Variants in NNT observed in about 807,000 individuals in gnomAD.
NNT encodes NAD(P) transhydrogenase, mitochondrial.
In NNT, 50 loss-of-function variants were observed where a neutral mutation model predicts 104.8. That is an observed-to-expected ratio of 0.48 (90% confidence interval 0.38 to 0.60). The LOEUF is 0.60. Among genes scored for constraint, NNT ranks in the 20% least tolerant of loss-of-function variants. The pLI is 0.00. For missense variants in NNT, 1,131 were observed against 1,330.7 expected, an observed-to-expected ratio of 0.85 and a Z score of 2.33; for synonymous variants, 461 against 490.4, an observed-to-expected ratio of 0.94 and a Z score of 0.79.
chr5:43,629,683 G>A (rs759397179), intron 7 of NNT, among the ~76,000 whole-genome samples: 2 of 152,140 alleles, frequency 1.3e-5, no homozygotes, highest in African/African-American at 2.4e-5. Flanking sequence ...CAGGAGTAAG[G>A]TGGTATCTCA....
At chr5:43,634,281 A>G (rs1360792658) in intron 7 of NNT, among the ~76,000 whole-genome samples, 2 of 152,140 alleles carry the variant, frequency 1.3e-5, no homozygotes, top group South Asian at 4.1e-4. Flanking sequence ...TTTATCTTTC[A>G]TATGGAGTGG....
At chr5:43,681,877 C>G (rs1580107841) in intron 19 of NNT, among the ~76,000 whole-genome samples, 1 of 152,126 alleles carries the variant, frequency 6.6e-6, no homozygotes, top group Non-Finnish European at 1.5e-5. Context: ...ACAGATCAAT[C>G]AATGAATGAA....
chr5:43,671,620 CTTCT>C (rs1741096080), intron 17 of NNT, among the ~76,000 whole-genome samples: 1 of 152,220 alleles, frequency 6.6e-6, no homozygotes, highest in Non-Finnish European at 1.5e-5. Flanking sequence ...CCCCCACTCT[CTTCT>C]GGCTTGTAGA....
chr5:43,662,708 C>T (rs1253942815), intron 17 of NNT, among the ~76,000 whole-genome samples: 1 of 152,000 alleles, frequency 6.6e-6, no homozygotes, highest in Non-Finnish European at 1.5e-5. Context: ...ACCTGGGCAA[C>T]ATGATAAAAC....
intron 19 of NNT, among the ~76,000 whole-genome samples, chr5:43,697,858 G>C (rs1407453078): frequency 6.6e-6 from 1 of 152,184 alleles, no homozygotes; most frequent in East Asian, 1.9e-4. Context: ...CACGAGACCA[G>C]CATGGGAAAA....
At chr5:43,702,505 G>A (rs1379248310) in intron 20 of NNT, 116 bp from the exon 21 acceptor site, 8 of 645,746 alleles carry the variant, frequency 1.2e-5, no homozygotes, top group Non-Finnish European at 1.2e-5. Flanking sequence ...GCACAAGTGC[G>A]AATCCTATAT....
At chr5:43,663,781 G>A (rs79940686) in intron 17 of NNT, among the ~76,000 whole-genome samples, 1,746 of 152,274 alleles carry the variant, frequency 0.011, 20 homozygotes, top group African/African-American at 0.039. Context: ...TACTGAGAAA[G>A]TATTGTAAGG....
chr5:43,700,134 A>G lies in NNT; in HGVS notation c.2892A>G (p.Pro964=). Residue 964 remains proline, a synonymous_variant, in exon 20 of 22, where the codon CCA becomes CCG. Transcript: ENST00000344920. The part of the protein sequence containing the change: ...QGKKVRFGIH[P]VAGRMPGQLN... ...TCATGTCTAGGTTTGGAATTCACCC[A>G]GTTGCAGGCCGAATGCCTGGTCAGC... 1 of 1,612,366 alleles carries G rather than the reference A, an allele frequency of 6.2e-7. No individual in the cohort carries two copies. The highest frequency in any genetic ancestry group is 8.5e-7 in the Non-Finnish European group (1 of 1,179,080).
chr5:43,628,455 T>C, intron 7 of NNT, 68 bp downstream of exon 7: 1 of 1,198,152 alleles, frequency 8.3e-7, no homozygotes, highest in Non-Finnish European at 1.1e-6. Context: ...AAAGCGAGAG[T>C]GAATGATTGC....
At chr5:43,653,477 T>C in intron 14 of NNT, 1 of 355,772 alleles carries the variant, frequency 2.8e-6, no homozygotes, top group South Asian at 5.1e-5. Flanking sequence ...GATAATGGAA[T>C]GGGGGATTGG....
rs765104475 is a variant in NNT, at chr5:43,645,357, G to T, written c.1291G>T (p.Asp431Tyr). ...CGTACTATTTTTTAATGTCTATTAG[G>T]ATGGTAAAGTGATTTTCCCAGCTCC... Reference protein sequence around the residue: ...HVIRGTVVMKDGKVIFPAPTP... With the variant: ...HVIRGTVVMKYGKVIFPAPTP... The change falls in exon 10 of 22, where the codon GAT (aspartate) becomes TAT (tyrosine). Residue 431 changes from aspartate (D) to tyrosine (Y), a missense_variant and splice_region_variant. Physicochemically the swap from Asp to Tyr is radical, Grantham distance 160. Transcript: ENST00000344920. 3.9e-6 allele frequency: 6 copies of T among 1,530,598 alleles called. No homozygotes were observed. 94.8% of individuals were successfully genotyped at this position (1,530,598 alleles called of 1,614,324 possible).
At chr5:43,667,904 A>G (rs768839044) in intron 17 of NNT, among the ~76,000 whole-genome samples, 2 of 152,114 alleles carry the variant, frequency 1.3e-5, no homozygotes, top group African/African-American at 2.4e-5. Context: ...AAGTGTTCCT[A>G]TTTCTCCACA....
rs575139256 is a variant in NNT, at chr5:43,625,866, AT to A, written c.776+1754del. 4.5e-3 allele frequency among the ~76,000 whole-genome samples: 686 copies of A among 151,738 alleles called. 6 individuals are homozygous for A. The highest frequency in any genetic ancestry group is 0.015 in the African/African-American group (612 of 41,394). ...TACCTTAAAGTCTCACTGCCTAGAGATTTTTTTTATGTGTTTCCTCATCTAC... is the reference window on the plus strand; with the variant it reads ...TACCTTAAAGTCTCACTGCCTAGAGATTTTTTTATGTGTTTCCTCATCTAC... On this transcript the variant is annotated intron_variant, in intron 6 of 21. Transcript: ENST00000344920.
At chr5:43,644,438 A>C (rs2111825371) in intron 8 of NNT, 113 bp downstream of exon 8, 2 of 1,355,652 alleles carry the variant, frequency 1.5e-6, no homozygotes, top group Non-Finnish European at 2.0e-6. Context: ...TTAAAATTAA[A>C]AATAGGCATA....
intron 19 of NNT, among the ~76,000 whole-genome samples, chr5:43,692,571 G>A (rs1014723289): frequency 3.3e-5 from 5 of 152,094 alleles, no homozygotes; most frequent in Admixed American, 1.3e-4. Context: ...TGATCCATCC[G>A]CCTTGGCCTC....
intron 1 of NNT, among the ~76,000 whole-genome samples, chr5:43,608,626 A>G (rs1214048962): frequency 6.6e-6 from 1 of 152,164 alleles, no homozygotes; most frequent in Non-Finnish European, 1.5e-5. Context: ...GTCTCAGTGG[A>G]TAAGCATCCT....
rs557503282 is a variant in NNT, at chr5:43,666,935, C to T, written c.2634+7585C>T. 3 of 1,584,656 alleles carry T rather than the reference C, an allele frequency of 1.9e-6. No homozygotes were observed. The East Asian group carries it at 6.7e-5, about 35-fold the overall frequency. ...ACACGCTTCCCAAGCTTGGGGTGGG[C>T]AATGTAGGCAAGTGGATCGAGCTTG... On this transcript the variant is annotated intron_variant, in intron 17 of 21. Transcript: ENST00000344920.
chr5:43,688,832 C>T lies in NNT; in HGVS notation c.2876+11026C>T, dbSNP rs937657055. ...TGGGCTGGTTCCATATTTTTGCAAT[C>T]GCAAATTGTGCTGCTATAAACGTGT... On this transcript the variant is annotated intron_variant, in intron 19 of 21. Coordinates refer to ENST00000344920, the MANE Select transcript of NNT (RefSeq NM_182977.3). Among the ~76,000 whole-genome samples, 7 of 152,254 alleles carry T rather than the reference C, an allele frequency of 4.6e-5. No homozygotes were observed. The South Asian group carries it at 6.2e-4, about 14-fold the overall frequency.
At chr5:43,691,983 A>G (rs1047894922) in intron 19 of NNT, among the ~76,000 whole-genome samples, 26 of 152,200 alleles carry the variant, frequency 1.7e-4, no homozygotes, top group African/African-American at 6.3e-4. Flanking sequence ...TTCTTGGCAG[A>G]GATTTGGATG....
Sources: gnomAD v4.1 joint callset for allele counts (sites outside exome capture counted in the v4.1 genomes callset) on GRCh38, gnomAD v4.1.1 for gene constraint, MANE v1.5 for transcripts, NCBI Gene and HGNC (gene_info 2026-07-23, HGNC 2026-07-21) for gene names.